The following COL28A1 variants were observed in gnomAD, a reference collection of about 807,000 sequenced individuals.
The protein encoded by COL28A1 is collagen alpha-1(XXVIII) chain.
A neutral mutation model predicts 150.2 loss-of-function variants in COL28A1; 161 were observed. That is an observed-to-expected ratio of 1.07 (90% confidence interval 0.94 to 1.22). COL28A1 has a LOEUF of 1.22. COL28A1 is among the 50% of genes most tolerant of loss of function. COL28A1 has a pLI of 0.00. For missense variants in COL28A1, 1,617 were observed against 1,388.3 expected (o/e 1.16, Z -2.62); for synonymous variants, 552 against 469.7 (o/e 1.18, Z -2.26).
At chr7:7,367,387 A>G (rs1027495100) in intron 33 of COL28A1, among the ~76,000 whole-genome samples, 3 of 152,248 alleles carry the variant, frequency 2.0e-5, no homozygotes, top group Non-Finnish European at 4.4e-5. Context: ...CTAAATATCA[A>G]TAAGGAAATA....
chr7:7,484,648 G>T (rs1450762536), intron 13 of COL28A1, among the ~76,000 whole-genome samples: 1 of 152,078 alleles, frequency 6.6e-6, no homozygotes, highest in Non-Finnish European at 1.5e-5. Context: ...GTGTCATATG[G>T]TCAGTATATT....
intron 27 of COL28A1, among the ~76,000 whole-genome samples, chr7:7,394,256 T>C (rs1782717488): frequency 6.6e-6 from 1 of 152,114 alleles, no homozygotes; most frequent in Non-Finnish European, 1.5e-5. Flanking sequence ...ACCCTCTGTG[T>C]GCTGCCCCCA....
intron 19 of COL28A1, among the ~76,000 whole-genome samples, chr7:7,443,984 CTG>C (rs1204787518): frequency 7.5e-5 from 7 of 93,470 alleles, no homozygotes; most frequent in Admixed American, 6.6e-4. Context: ...TTTCCATCTG[CTG>C]TTTTTTTTTT....
chr7:7,509,989 G>A (rs773303965), intron 9 of COL28A1, among the ~76,000 whole-genome samples: 2 of 152,056 alleles, frequency 1.3e-5, no homozygotes, highest in African/African-American at 2.4e-5. Context: ...TCTATTTAAA[G>A]TGTTTAGTTT....
At chr7:7,379,622 A>G (rs1433942290) in intron 30 of COL28A1, among the ~76,000 whole-genome samples, 3 of 152,184 alleles carry the variant, frequency 2.0e-5, no homozygotes, top group African/African-American at 7.2e-5. Flanking sequence ...ATCCAGAGTA[A>G]GGTTTACTGG....
chr7:7,511,031 T>G, intron 9 of COL28A1, 60 bp downstream of exon 9: 5 of 1,397,402 alleles, frequency 3.6e-6, no homozygotes, highest in Admixed American at 1.7e-5. Context: ...AATTTCCCCT[T>G]AAGGAAACGC....
intron 3 of COL28A1, among the ~76,000 whole-genome samples, chr7:7,527,983 C>G (rs1782124542): frequency 6.6e-6 from 1 of 151,814 alleles, no homozygotes; most frequent in African/African-American, 2.4e-5. Context: ...AAAAATAAGG[C>G]CCTAAACAGA....
At chr7:7,488,903 T>C (rs559537636) in intron 13 of COL28A1, among the ~76,000 whole-genome samples, 25 of 152,224 alleles carry the variant, frequency 1.6e-4, no homozygotes, top group Non-Finnish European at 3.4e-4. Context: ...GGTGTAAACA[T>C]CATATATATT....
intron 27 of COL28A1, among the ~76,000 whole-genome samples, chr7:7,384,901 C>T (rs1583262465): frequency 6.6e-6 from 1 of 152,140 alleles, no homozygotes; most frequent in Non-Finnish European, 1.5e-5. Context: ...ACATAGGTGT[C>T]ATGAAGATGA....
chr7:7,349,930 G>GCAACTTTC, the COL28A1 span, among the ~76,000 whole-genome samples: 1 of 152,114 alleles, frequency 6.6e-6, no homozygotes, highest in African/African-American at 2.4e-5. Context: ...GAAGCAAATA[G>GCAACTTTC]TTCAGTGTAG....
In COL28A1 at chr7:7,453,406, A is replaced by C. The variant is rs780345322; in HGVS notation, c.1440+34T>G. ...TCAGAAAACAGCAATTATACTATAG[A>C]TATATTAAACTCCGCTCTCATTTAC... On this transcript the variant is annotated intron_variant, in intron 17 of 34. Transcript: ENST00000399429. The C allele has an allele frequency of 2.6e-5, 24 of 910,420 alleles. 1 individual carries two copies. The African/African-American group carries it at 3.6e-4, about 13-fold the overall frequency. The allele number at this position is 910,420 out of a possible 1,614,324, so 56.4% of individuals were successfully genotyped here. A position where few individuals can be genotyped will look rare whatever the true frequency, so the allele number is the denominator to read the frequency against.
chr7:7,518,464 T>C (rs1781537214), intron 6 of COL28A1, among the ~76,000 whole-genome samples: 2 of 152,302 alleles, frequency 1.3e-5, no homozygotes, highest in South Asian at 4.2e-4. Flanking sequence ...AAAAATGCTT[T>C]TATGCATTTA....
chr7:7,431,538 G>A, intron 25 of COL28A1: 1 of 471,150 alleles, frequency 2.1e-6, no homozygotes, highest in South Asian at 1.5e-5. Flanking sequence ...GCAGGAATGA[G>A]CTGAAGTAGG....
At chr7:7,478,668 G>A (rs548279579) in intron 13 of COL28A1, among the ~76,000 whole-genome samples, 5 of 152,370 alleles carry the variant, frequency 3.3e-5, no homozygotes, top group African/African-American at 9.6e-5. Context: ...ATGGCAGTCT[G>A]CAGGTCCCAA....
intron 11 of COL28A1, among the ~76,000 whole-genome samples, chr7:7,491,359 T>C (rs1190097478): frequency 6.6e-6 from 1 of 152,114 alleles, no homozygotes; most frequent in Non-Finnish European, 1.5e-5. Flanking sequence ...CTTTCCTACA[T>C]AGAGATGTGA....
intron 14 of COL28A1, among the ~76,000 whole-genome samples, 158 bp downstream of exon 14, chr7:7,476,954 G>A (rs953960849): frequency 1.8e-4 from 27 of 152,068 alleles, no homozygotes; most frequent in African/African-American, 5.8e-4. Context: ...CTGTATTTTC[G>A]CATTACAGGG....
chr7:7,531,822 A>C lies in COL28A1; in HGVS notation c.207T>G (p.Asp69Glu). Residue 69 changes from aspartate (D) to glutamate (E), a missense_variant, in exon 3 of 35, where the codon GAT (aspartate) becomes GAG (glutamate). By Grantham distance (45) the Asp-to-Glu change is conservative. Transcript: ENST00000399429. Reference sequence around the variant, plus strand: ...TCTTGTCACTCAAGCTATCCACAAAATCTTTCTGTTTATCAAAGAGGGCAA... The same window carrying C: ...TCTTGTCACTCAAGCTATCCACAAACTCTTTCTGTTTATCAAAGAGGGCAA... ...SKIALFDKQKDFVDSLSDKIF... is the reference protein window; with the variant it reads ...SKIALFDKQKEFVDSLSDKIF... 3.7e-6 allele frequency: 6 copies of C among 1,605,322 alleles called. No homozygotes were observed. The highest frequency in any genetic ancestry group is 5.1e-6 in the Non-Finnish European group (6 of 1,171,980).
At chr7:7,521,473 G>A (rs781123275) in intron 5 of COL28A1, among the ~76,000 whole-genome samples, 7 of 152,168 alleles carry the variant, frequency 4.6e-5, no homozygotes, top group African/African-American at 7.2e-5. Context: ...GAGGCCACAC[G>A]GTGTTGCTGC....
At chr7:7,363,440 A>G (rs1780773848) in intron 33 of COL28A1, among the ~76,000 whole-genome samples, 1 of 152,166 alleles carries the variant, frequency 6.6e-6, no homozygotes, top group Non-Finnish European at 1.5e-5. Context: ...AATTTCATCA[A>G]TTTTCTGGCT....
Sources: allele counts gnomAD v4.1 joint callset (sites outside exome capture counted in the v4.1 genomes callset), GRCh38; gene constraint gnomAD v4.1.1; transcripts MANE v1.5; gene names NCBI Gene and HGNC (gene_info 2026-07-23, HGNC 2026-07-21).